TTLL6: variants seen among roughly 807,000 people sequenced by gnomAD.
TTLL6 encodes tubulin tyrosine ligase like 6.
Under a neutral mutation model 96.4 loss-of-function variants are expected in TTLL6, and 75 were observed. The observed-to-expected ratio is 0.78, with a 90% CI of 0.65 to 0.94. The LOEUF (loss-of-function observed/expected upper bound fraction) is 0.94. TTLL6 is among the 40% of genes least tolerant of loss of function. The pLI is 0.00. For missense variants in TTLL6, 1,030 were observed against 1,093.0 expected (o/e 0.94, Z 0.81); for synonymous variants, 411 against 419.4 (o/e 0.98, Z 0.24).
rs371091415 is a variant in TTLL6, at chr17:48,780,087, G to GA, written c.2040+4835dup. Among the ~76,000 whole-genome samples, 826 of 145,792 alleles carry GA rather than the reference G, an allele frequency of 5.7e-3. 5 individuals carry two copies. Among genetic ancestry groups the GA allele is most frequent in the African/African-American group, 0.018 (708 of 39,786 alleles). ...AATCTTAGGGAAAAAATAGGGCTCA[G>GA]AAAAAAAAAAGAGGACATAGAATGA... is the stretch of plus-strand genomic sequence containing the variant. On this transcript the variant is annotated intron_variant, in intron 13 of 15. Transcript: ENST00000393382.
chr17:48,804,502 C>T, intron 2 of TTLL6: 1 of 605,572 alleles, frequency 1.7e-6, no homozygotes, highest in Non-Finnish European at 3.1e-6. Flanking sequence ...ATCTTCTTTT[C>T]CTGCTATTTT....
Position 48,786,347 on chromosome 17 carries a change from G to A in TTLL6, c.1590-12C>T, listed in dbSNP as rs777641725. On this transcript the variant is annotated splice_polypyrimidine_tract_variant and intron_variant, in intron 11 of 15. Transcript: ENST00000393382. ...CCTGGATCAGTTGCCTGCCCATGAA[G>A]AACAAGTGAACATCATGGGGGTTAG... The A allele has an allele frequency of 3.8e-5, 62 of 1,614,074 alleles. No individual in the cohort carries two copies. The highest frequency in any genetic ancestry group is 5.2e-5 in the Non-Finnish European group (61 of 1,180,022).
In TTLL6 at chr17:48,787,972, G is replaced by A. The variant is rs113581602; in HGVS notation, c.1428C>T (p.Ala476=). The part of the protein sequence containing the change: ...MRIEEAKGFR[A]VQLKKTETYE... ...ACGTTTCAGTTTTCTTTAACTGCAC[G>A]GCCCGGAAACCCTTGGCTTCCTCAA... Residue 476 remains alanine, a synonymous_variant, in exon 11 of 16, where the codon GCC becomes GCT. Coordinates refer to ENST00000393382, the MANE Select transcript of TTLL6 (RefSeq NM_001130918.3). 653 of 1,614,030 alleles carry A rather than the reference G, an allele frequency of 4.0e-4. No homozygotes were observed. The African/African-American group carries it at 6.8e-3, about 17-fold the overall frequency.
intron 1 of TTLL6, among the ~76,000 whole-genome samples, chr17:48,809,152 C>T (rs904266473): frequency 6.6e-6 from 1 of 152,124 alleles, no homozygotes; most frequent in African/African-American, 2.4e-5. Context: ...GTTTCTTTCT[C>T]TTTCTGAAGA....
intron 9 of TTLL6, among the ~76,000 whole-genome samples, chr17:48,790,870 G>T (rs2039204098): frequency 6.6e-6 from 1 of 152,186 alleles, no homozygotes. Flanking sequence ...CACCAGGAAA[G>T]CTTCTCCTCC....
chr17:48,804,120 C>G, intron 2 of TTLL6, 192 bp from the exon 3 acceptor site: 1 of 630,978 alleles, frequency 1.6e-6, no homozygotes, highest in Admixed American at 2.5e-5. Flanking sequence ...AACATGGCAT[C>G]AGGGTACTAT....
rs943164356 is a variant in TTLL6, at chr17:48,796,168, T to G, written c.913-22A>C. The G allele has an allele frequency of 1.9e-6, 3 of 1,544,512 alleles. No individual in the cohort carries two copies. In the African/African-American group the frequency reaches 4.1e-5, roughly 21 times the overall value. On this transcript the variant is annotated intron_variant, in intron 7 of 15. Coordinates refer to ENST00000393382, the MANE Select transcript of TTLL6 (RefSeq NM_001130918.3). ...CATCCTGGGGAAAAAGACACACATC[T>G]GTCGGGTCAGCTCGGAAGGGCAGGC...
chr17:48,793,105 A>T lies in TTLL6; in HGVS notation c.999-1502T>A, dbSNP rs990105487. On this transcript the variant is annotated intron_variant, in intron 8 of 15. Coordinates refer to ENST00000393382, the MANE Select transcript of TTLL6 (RefSeq NM_001130918.3). The stretch of plus-strand genomic sequence containing the variant: ...GTTTCCTGTCTTCTCCTTCACTGTG[A>T]CCGCAGCACTACTCCTGAGTTTGTG... Among the ~76,000 whole-genome samples, 3 of 152,160 alleles carry T rather than the reference A, an allele frequency of 2.0e-5. No homozygotes were observed. The East Asian group carries it at 5.8e-4, about 29-fold the overall frequency.
chr17:48,810,028 C>T (rs1179934266), intron 1 of TTLL6, among the ~76,000 whole-genome samples: 1 of 150,126 alleles, frequency 6.7e-6, no homozygotes, highest in Non-Finnish European at 1.5e-5. Flanking sequence ...AATCCCACCT[C>T]CTCAGGAGGC....
At chr17:48,815,149 G>A (rs1271186128) in intron 1 of TTLL6, among the ~76,000 whole-genome samples, 1 of 152,140 alleles carries the variant, frequency 6.6e-6, no homozygotes, top group African/African-American at 2.4e-5. Context: ...ATAATTTGGT[G>A]GTTGACTAAG....
At chr17:48,803,634 T>C (rs909429440) in intron 3 of TTLL6, among the ~76,000 whole-genome samples, 1 of 152,238 alleles carries the variant, frequency 6.6e-6, no homozygotes, top group African/African-American at 2.4e-5. Flanking sequence ...CTGTCTCTTT[T>C]ACAAGTAGAT....
rs1555569643 is a variant in TTLL6, at chr17:48,810,825, G to GTATATATATA, written c.104-5844_104-5835dup. On this transcript the variant is annotated intron_variant, in intron 1 of 15. Transcript: ENST00000393382. ...ATATACACATATATAGTATGTGTGT[G>GTATATATATA]TATATATATATATATATATATATAT... 7.4e-3 allele frequency among the ~76,000 whole-genome samples: 620 copies of GTATATATATA among 84,274 alleles called. 14 individuals are homozygous for GTATATATATA. Among genetic ancestry groups the GTATATATATA allele is most frequent in the East Asian group, 0.035 (66 of 1,902 alleles). 55.3% of individuals were successfully genotyped at this position (84,274 alleles called of 152,430 possible).
At chr17:48,786,606 A>G (rs2039101431) in intron 11 of TTLL6, among the ~76,000 whole-genome samples, 1 of 152,066 alleles carries the variant, frequency 6.6e-6, no homozygotes, top group Admixed American at 6.6e-5. Flanking sequence ...TCACAGCCCT[A>G]TTTGTTCCCC....
intron 13 of TTLL6, among the ~76,000 whole-genome samples, chr17:48,771,425 T>C (rs1018145170): frequency 6.6e-6 from 1 of 152,118 alleles, no homozygotes; most frequent in African/African-American, 2.4e-5. Context: ...GGCCAGGAGT[T>C]TGAGACCAGC....
chr17:48,785,193 C>CTGGA lies in TTLL6; in HGVS notation c.1766_1769dup (p.Gln590HisfsTer12), dbSNP rs760719668. On this transcript the variant is annotated frameshift_variant, in exon 13 of 16. Transcript: ENST00000393382. LOFTEE classifies it high-confidence loss of function. Reference sequence around the variant, plus strand: ...GTGTGTAGGATACTAATGTCAATGGCTGGATGTACTGAGGGAGGAAGAAAC... The same window carrying CTGGA: ...GTGTGTAGGATACTAATGTCAATGGCTGGATGGATGTACTGAGGGAGGAAGAAAC... 8.7e-6 allele frequency: 14 copies of CTGGA among 1,614,106 alleles called. No individual in the cohort carries two copies. The South Asian group carries it at 1.4e-4, about 16-fold the overall frequency.
chr17:48,767,570 G>C (rs1298519911), intron 15 of TTLL6, among the ~76,000 whole-genome samples: 1 of 152,188 alleles, frequency 6.6e-6, no homozygotes, highest in African/African-American at 2.4e-5. Flanking sequence ...TGAGCTACTG[G>C]TCACAAGGGG....
At chr17:48,807,614 C>G (rs2039522812) in intron 1 of TTLL6, among the ~76,000 whole-genome samples, 1 of 151,074 alleles carries the variant, frequency 6.6e-6, no homozygotes, top group Non-Finnish European at 1.5e-5. Flanking sequence ...TGGGTTCAAG[C>G]AATTCTTGTA....
intron 15 of TTLL6, 80 bp downstream of exon 15, chr17:48,768,909 C>G (rs546721466): frequency 2.1e-6 from 3 of 1,445,788 alleles, no homozygotes; most frequent in East Asian, 4.6e-5. Flanking sequence ...CATCCATCCT[C>G]CTACCTACCC....
chr17:48,801,540 T>C lies in TTLL6; in HGVS notation c.465A>G (p.Glu155=). 6.4e-7 allele frequency: 1 copy of C among 1,551,934 alleles called. No individual in the cohort carries two copies. Among genetic ancestry groups the C allele is most frequent in the Middle Eastern group, 1.7e-4 (1 of 5,992 alleles). Residue 155 remains glutamate, a synonymous_variant, in exon 4 of 16, where the codon GAA becomes GAG. Coordinates refer to ENST00000393382, the MANE Select transcript of TTLL6 (RefSeq NM_001130918.3). ...GCCCAAATACCTGGTAACTTTTCAT[T>C]TCCATCACCCGCTCCAGTGACACTG... ...DYSVSLERVM[E]MKSYQKINHF...
Sources: gnomAD v4.1 joint callset for allele counts (sites outside exome capture counted in the v4.1 genomes callset) on GRCh38, gnomAD v4.1.1 for gene constraint, MANE v1.5 for transcripts, NCBI Gene and HGNC (gene_info 2026-07-23, HGNC 2026-07-21) for gene names.